Variants in ROBO2 observed in about 807,000 individuals in gnomAD.
ROBO2 encodes the protein roundabout guidance receptor 2.
Under a neutral mutation model 160.8 loss-of-function variants are expected in ROBO2, and 53 were observed. The observed-to-expected ratio is 0.33, with a 90% CI of 0.26 to 0.41. The LOEUF is 0.41. Among genes scored for constraint, ROBO2 ranks in the 10% least tolerant of loss-of-function variants. The pLI is 1.00. For missense variants in ROBO2, 1,577 were observed against 1,722.4 expected (o/e 0.92, Z 1.49); for synonymous variants, 664 against 611.7 (o/e 1.09, Z -1.26).
At chr3:76,949,796 G>A (rs772710778) in intron 2 of ROBO2, among the ~76,000 whole-genome samples, 6 of 152,222 alleles carry the variant, frequency 3.9e-5, no homozygotes, top group Non-Finnish European at 7.3e-5. Flanking sequence ...CTATTTAGGA[G>A]GTTGAGGAGG....
At chr3:76,650,760 C>A (rs1319218095) in intron 2 of ROBO2, among the ~76,000 whole-genome samples, 1 of 152,070 alleles carries the variant, frequency 6.6e-6, no homozygotes, top group Non-Finnish European at 1.5e-5. Flanking sequence ...CCCTGAAATG[C>A]AAGCATTTTT....
At chr3:77,251,165 C>G (rs1413742506) in intron 2 of ROBO2, among the ~76,000 whole-genome samples, 1 of 152,120 alleles carries the variant, frequency 6.6e-6, no homozygotes, top group Non-Finnish European at 1.5e-5. Flanking sequence ...GCCTGGGCCC[C>G]CAGGCTGTCT....
chr3:76,319,276 G>T (rs1249255995), intron 2 of ROBO2, among the ~76,000 whole-genome samples: 3 of 152,044 alleles, frequency 2.0e-5, no homozygotes, highest in Non-Finnish European at 4.4e-5. Context: ...AAAATGATAT[G>T]CAGCTTCACA....
intron 2 of ROBO2, among the ~76,000 whole-genome samples, chr3:76,805,851 C>T (rs1246227938): frequency 6.6e-6 from 1 of 151,958 alleles, no homozygotes; most frequent in African/African-American, 2.4e-5. Flanking sequence ...AAGTCCCCCT[C>T]TGTATTTCTT....
At chr3:76,169,271 G>C (rs1198271642) in intron 2 of ROBO2, among the ~76,000 whole-genome samples, 1 of 152,150 alleles carries the variant, frequency 6.6e-6, no homozygotes, top group Non-Finnish European at 1.5e-5. Context: ...AATCAAAGAA[G>C]TGTCTTAAAT....
chr3:76,107,644 G>C (rs538763652), intron 2 of ROBO2, among the ~76,000 whole-genome samples: 2 of 152,046 alleles, frequency 1.3e-5, no homozygotes, highest in East Asian at 3.9e-4. Context: ...TACTATTGTG[G>C]AAATAAAGAA....
intron 2 of ROBO2, among the ~76,000 whole-genome samples, chr3:76,943,820 T>TGATA (rs2078347071): frequency 6.6e-6 from 1 of 152,180 alleles, no homozygotes; most frequent in Non-Finnish European, 1.5e-5. Flanking sequence ...TATTGTTTGG[T>TGATA]GATAGATATA....
At chr3:76,603,371 T>A (rs2087383857) in intron 2 of ROBO2, among the ~76,000 whole-genome samples, 13 of 136,718 alleles carry the variant, frequency 9.5e-5, no homozygotes, top group African/African-American at 3.0e-4. Flanking sequence ...TATATATATA[T>A]ATATATATAT....
At chr3:77,623,723 C>A (rs926649120) in intron 23 of ROBO2, among the ~76,000 whole-genome samples, 1 of 152,150 alleles carries the variant, frequency 6.6e-6, no homozygotes, top group African/African-American at 2.4e-5. Flanking sequence ...TTATGTTAAG[C>A]CCCTTTGCCT....
At chr3:77,559,977 A>G (rs776746256) in intron 9 of ROBO2, among the ~76,000 whole-genome samples, 16 of 152,286 alleles carry the variant, frequency 1.1e-4, no homozygotes, top group Admixed American at 3.3e-4. Flanking sequence ...TTATTAAAAA[A>G]TTAATGCCAA....
At chr3:76,373,092 A>G (rs2076181638) in intron 2 of ROBO2, among the ~76,000 whole-genome samples, 2 of 152,018 alleles carry the variant, frequency 1.3e-5, no homozygotes, top group Admixed American at 1.3e-4. Flanking sequence ...AAATAAGAGC[A>G]TCTAGTCAAG....
intron 5 of ROBO2, among the ~76,000 whole-genome samples, chr3:77,512,149 C>G (rs187806248): frequency 2.0e-3 from 300 of 152,010 alleles, no homozygotes; most frequent in African/African-American, 6.3e-3. Context: ...GGGTCTTAGA[C>G]CTCAAAGGTG....
chr3:77,375,430 T>C (rs1207360720), intron 2 of ROBO2, among the ~76,000 whole-genome samples: 3 of 152,246 alleles, frequency 2.0e-5, no homozygotes, highest in Admixed American at 1.3e-4. Flanking sequence ...TATTATTGAA[T>C]AGAACTTCAC....
chr3:76,204,975 A>T (rs72630375), intron 2 of ROBO2, among the ~76,000 whole-genome samples: 6,992 of 152,308 alleles, frequency 0.046, 351 homozygotes, highest in East Asian at 0.22. Context: ...TTTGCAAAGT[A>T]TGAAAAAGAA....
chr3:76,374,708 A>G (rs1337574003), intron 2 of ROBO2, among the ~76,000 whole-genome samples: 5 of 152,030 alleles, frequency 3.3e-5, no homozygotes, highest in Non-Finnish European at 5.9e-5. Context: ...TGAAAATTTA[A>G]GCAAAAATTC....
At chr3:77,184,099 T>C (rs546911187) in intron 2 of ROBO2, among the ~76,000 whole-genome samples, 2 of 152,186 alleles carry the variant, frequency 1.3e-5, no homozygotes, top group East Asian at 3.9e-4. Context: ...GTTTATAAGA[T>C]GGTTTTAATG....
intron 2 of ROBO2, among the ~76,000 whole-genome samples, chr3:76,219,168 T>C (rs1703780158): frequency 6.6e-6 from 1 of 152,144 alleles, no homozygotes; most frequent in Non-Finnish European, 1.5e-5. Flanking sequence ...TAATTCAAGA[T>C]GGATTAAAGA....
At chr3:76,715,344 A>G (rs914452366) in intron 2 of ROBO2, among the ~76,000 whole-genome samples, 9 of 152,200 alleles carry the variant, frequency 5.9e-5, no homozygotes, top group Admixed American at 4.6e-4. Flanking sequence ...AAAACCCTGT[A>G]TGACTATCAT....
intron 2 of ROBO2, among the ~76,000 whole-genome samples, chr3:77,195,289 C>G (rs1326022750): frequency 6.6e-6 from 1 of 151,706 alleles, no homozygotes; most frequent in Non-Finnish European, 1.5e-5. Context: ...TTTACATGTC[C>G]AATACTTTGG....
Sources: gnomAD v4.1 joint callset for allele counts (sites outside exome capture counted in the v4.1 genomes callset) on GRCh38, gnomAD v4.1.1 for gene constraint, MANE v1.5 for transcripts, NCBI Gene and HGNC (gene_info 2026-07-23, HGNC 2026-07-21) for gene names.